Variants in PRSS12 observed in about 807,000 individuals in gnomAD.
PRSS12 encodes neurotrypsin.
A neutral mutation model predicts 104.4 loss-of-function variants in PRSS12; 85 were observed. The observed-to-expected ratio is 0.81, with a 90% CI of 0.68 to 0.98. PRSS12 has a LOEUF of 0.98. Among genes scored for constraint, PRSS12 ranks in the 50% least tolerant of loss-of-function variants. The probability of loss-of-function intolerance (pLI) is 0.00; values close to 1 mark genes in which losing one functional copy is unlikely to be tolerated. For missense variants in PRSS12, 1,141 were observed against 1,139.2 expected (o/e 1.00, Z -0.02); for synonymous variants, 454 against 425.2 (o/e 1.07, Z -0.83).
In PRSS12 at chr4:118,318,486, G is replaced by A. The variant is rs780352056; in HGVS notation, c.1042C>T (p.Arg348Cys). 50 of 1,613,960 alleles carry A rather than the reference G, an allele frequency of 3.1e-5. No homozygotes were observed. The highest frequency in any genetic ancestry group is 8.0e-5 in the African/African-American group (6 of 74,886). ...GSGPVMLDEV[R>C]CTGNELSIEQ... The stretch of plus-strand genomic sequence containing the variant: ...ATTGAAAGCTCATTCCCAGTGCAGC[G>A]TACTTCATCCAACATAACTGGGCCA... Residue 348 changes from arginine (R) to cysteine (C), a missense_variant, in exon 5 of 13, where the codon CGC (arginine) becomes TGC (cysteine). Arg to Cys is a radical substitution (Grantham distance 180). Transcript: ENST00000296498.
At chr4:118,289,188 A>G (rs1743078044) in intron 11 of PRSS12, among the ~76,000 whole-genome samples, 1 of 152,210 alleles carries the variant, frequency 6.6e-6, no homozygotes, top group African/African-American at 2.4e-5. Flanking sequence ...AGATTATATA[A>G]AAGAGTGACT....
chr4:118,282,437 A>G (rs1453349284), intron 12 of PRSS12, among the ~76,000 whole-genome samples, 194 bp from the exon 13 acceptor site: 1 of 152,194 alleles, frequency 6.6e-6, no homozygotes, highest in Non-Finnish European at 1.5e-5. Context: ...AACCTTCACA[A>G]ATTTCTCAGT....
rs1202475815 is a variant in PRSS12, at chr4:118,280,652, T to TG, written c.*1283dup. ...GGGACCTGGGGAAGGATCCATGACA[T>TG]GGAAGTATCTTGAGTGTGCCTTTTA... On this transcript the variant is annotated 3_prime_UTR_variant, in exon 13 of 13. Transcript: ENST00000296498. The TG allele has an allele frequency of 1.3e-5, 2 of 152,258 alleles. No homozygotes were observed. Among genetic ancestry groups the TG allele is most frequent in the South Asian group, 4.1e-4 (2 of 4,836 alleles). 9.4% of individuals were successfully genotyped at this position (152,258 alleles called of 1,614,324 possible). A position where few individuals can be genotyped will look rare whatever the true frequency, so the allele number is the denominator to read the frequency against.
intron 2 of PRSS12, among the ~76,000 whole-genome samples, chr4:118,337,421 A>G (rs1350924138): frequency 1.3e-5 from 2 of 152,234 alleles, no homozygotes; most frequent in African/African-American, 2.4e-5. Flanking sequence ...CCCAAAAAGA[A>G]GCCTTCTGCT....
chr4:118,340,716 T>C (rs1012008439), intron 1 of PRSS12, among the ~76,000 whole-genome samples: 1 of 152,248 alleles, frequency 6.6e-6, no homozygotes, highest in Non-Finnish European at 1.5e-5. Flanking sequence ...ATAAAAGGCA[T>C]ATAAATTTAT....
intron 11 of PRSS12, among the ~76,000 whole-genome samples, chr4:118,286,969 G>A (rs1485176200): frequency 6.6e-6 from 1 of 152,152 alleles, no homozygotes; most frequent in African/African-American, 2.4e-5. Context: ...CATACACTGT[G>A]TTCCTGGATC....
At position 118,308,508 on chromosome 4, in the gene PRSS12, T is replaced by C; in HGVS notation, c.1559A>G (p.Gln520Arg). ...TCCATCATCACAGATTGTTCCCCAC[T>C]GGCCATTGATAAAAACCTCCACTCG... The part of the protein sequence containing the change: ...EGRVEVFING[Q>R]WGTICDDGWT... The change falls in exon 8 of 13, where the codon CAG (glutamine) becomes CGG (arginine). Residue 520 changes from glutamine to arginine, a missense_variant. Physicochemically the swap from Gln to Arg is conservative, Grantham distance 43. Coordinates refer to ENST00000296498, the MANE Select transcript of PRSS12 (RefSeq NM_003619.4). 4 of 1,614,086 alleles carry C rather than the reference T, an allele frequency of 2.5e-6. No homozygotes were observed. The highest frequency in any genetic ancestry group is 3.4e-6 in the Non-Finnish European group (4 of 1,179,962).
At chr4:118,290,971 G>C (rs1743113594) in intron 11 of PRSS12, among the ~76,000 whole-genome samples, 1 of 151,756 alleles carries the variant, frequency 6.6e-6, no homozygotes, top group Non-Finnish European at 1.5e-5. Context: ...TGGTAACACA[G>C]ACCAATTTGC....
chr4:118,294,540 A>G (rs1456829242), intron 11 of PRSS12, among the ~76,000 whole-genome samples: 1 of 152,236 alleles, frequency 6.6e-6, no homozygotes, highest in East Asian at 1.9e-4. Context: ...CAAAGGTACA[A>G]GACACCAAGA....
Position 118,281,693 on chromosome 4 carries a change from G to C in PRSS12, c.*243C>G, listed in dbSNP as rs573082281. 3.6e-6 allele frequency: 2 copies of C among 556,802 alleles called. No homozygotes were observed. Among genetic ancestry groups the C allele is most frequent in the Non-Finnish European group, 6.5e-6 (2 of 309,960 alleles). 34.5% of individuals were successfully genotyped at this position (556,802 alleles called of 1,614,324 possible). ...ATAGGTAGGGGATAGATGAGGCTTA[G>C]AATAAGTCACTCCAGTGAAATTAGG... On this transcript the variant is annotated 3_prime_UTR_variant, in exon 13 of 13. Transcript: ENST00000296498.
In PRSS12 at chr4:118,316,339, G is replaced by T; in HGVS notation, c.1151-16C>A. On this transcript the variant is annotated splice_polypyrimidine_tract_variant and intron_variant, in intron 5 of 12. Coordinates refer to ENST00000296498, the MANE Select transcript of PRSS12 (RefSeq NM_003619.4). ...ATGACCCCATCTGTGATAAAGAGGA[G>T]ACACAGAGACTAAGCAAATCAACTT... is the stretch of plus-strand genomic sequence containing the variant. The T allele has an allele frequency of 1.2e-6, 2 of 1,613,794 alleles. No individual in the cohort carries two copies. The highest frequency in any genetic ancestry group is 8.5e-7 in the Non-Finnish European group (1 of 1,179,964).
In PRSS12 at chr4:118,282,194, A is replaced by G; in HGVS notation, c.2370T>C (p.Pro790=). ...TLQQAAIPLL[P]KRFCEERYKG... is the part of the protein sequence containing the mutation. ...TATAACGTTCTTCACAAAACCTTTT[A>G]GGAAGTAAGGGAATGGCTGCTTGTT... is the stretch of plus-strand genomic sequence containing the variant. Residue 790 remains proline (P), a synonymous_variant, in exon 13 of 13, where the codon CCT becomes CCC. Transcript: ENST00000296498. 3 of 1,614,216 alleles carry G rather than the reference A, an allele frequency of 1.9e-6. No individual in the cohort carries two copies. The highest frequency in any genetic ancestry group is 1.7e-5 in the Admixed American group (1 of 60,026).
intron 4 of PRSS12, among the ~76,000 whole-genome samples, chr4:118,328,758 G>A (rs1375414462): frequency 6.6e-6 from 1 of 151,966 alleles, no homozygotes; most frequent in Non-Finnish European, 1.5e-5. Context: ...CTAGTAGTCG[G>A]GACTACAGTT....
chr4:118,325,776 T>C (rs1437358387), intron 4 of PRSS12, among the ~76,000 whole-genome samples: 1 of 152,092 alleles, frequency 6.6e-6, no homozygotes, highest in African/African-American at 2.4e-5. Flanking sequence ...GCCCCAGCAG[T>C]TCATCTGTAA....
At chr4:118,310,744 C>G (rs140244988) in intron 7 of PRSS12, among the ~76,000 whole-genome samples, 1 of 152,062 alleles carries the variant, frequency 6.6e-6, no homozygotes, top group Non-Finnish European at 1.5e-5. Context: ...AACATGCATA[C>G]ATACACAGCA....
intron 7 of PRSS12, 199 bp downstream of exon 7, chr4:118,313,002 G>T: frequency 1.6e-6 from 1 of 616,176 alleles, no homozygotes; most frequent in Non-Finnish European, 2.8e-6. Flanking sequence ...AACAATTTAG[G>T]GGTAGAAATT....
At chr4:118,344,908 C>A (rs897489592) in intron 1 of PRSS12, among the ~76,000 whole-genome samples, 2 of 152,118 alleles carry the variant, frequency 1.3e-5, no homozygotes, top group Non-Finnish European at 2.9e-5. Context: ...ACCATCTACA[C>A]ATAAACAAAT....
chr4:118,282,748 G>A, intron 12 of PRSS12, 83 bp downstream of exon 12: 1 of 1,573,180 alleles, frequency 6.4e-7, no homozygotes, highest in Non-Finnish European at 8.7e-7. Context: ...ATCCATTTAA[G>A]ATCTTATTGC....
chr4:118,301,049 AATTAT>A (rs886421011), intron 8 of PRSS12, among the ~76,000 whole-genome samples: 4 of 150,774 alleles, frequency 2.7e-5, no homozygotes, highest in African/African-American at 4.8e-5. Context: ...TCAATTAATT[AATTAT>A]ATTATTTATT....
Sources: allele counts gnomAD v4.1 joint callset (sites outside exome capture counted in the v4.1 genomes callset), GRCh38; gene constraint gnomAD v4.1.1; transcripts MANE v1.5; gene names NCBI Gene and HGNC (gene_info 2026-07-23, HGNC 2026-07-21).